Variants in FSAF1 observed in about 807,000 individuals in gnomAD.
The protein encoded by FSAF1 is 40S small subunit processome assembly factor 1.
the FSAF1 span, among the ~76,000 whole-genome samples, chr1:231,239,480 C>T: frequency 6.6e-6 from 1 of 152,332 alleles, no homozygotes; most frequent in African/African-American, 2.4e-5. Context: ...GTCCCCAGGG[C>T]TGGTAATCCC....
the FSAF1 span, among the ~76,000 whole-genome samples, chr1:231,233,830 C>T: frequency 6.6e-6 from 1 of 152,244 alleles, no homozygotes; most frequent in South Asian, 2.1e-4. Flanking sequence ...GGATTAAAGG[C>T]ATGAGTCACC....
the FSAF1 span, chr1:231,226,978 C>A: frequency 6.2e-7 from 1 of 1,614,162 alleles, no homozygotes; most frequent in Non-Finnish European, 8.5e-7. Context: ...CTCACCTTAG[C>A]GCCCAGCATA....
chr1:231,226,702 C>A, the FSAF1 span: 1 of 1,530,762 alleles, frequency 6.5e-7, no homozygotes, highest in Non-Finnish European at 9.1e-7. Flanking sequence ...TCCATCTTCC[C>A]ATTCTAGTTG....
chr1:231,234,456 T>C, the FSAF1 span, among the ~76,000 whole-genome samples: 2 of 152,238 alleles, frequency 1.3e-5, no homozygotes, highest in South Asian at 2.1e-4. The surrounding 1 kb of genome is among the most constrained non-coding windows in gnomAD (Gnocchi z 4.0). Flanking sequence ...CTTGCACTTA[T>C]GAAAGAGTAG....
chr1:231,241,117 G>A, the FSAF1 span: 4 of 1,613,080 alleles, frequency 2.5e-6, no homozygotes, highest in African/African-American at 2.7e-5. Context: ...GACATTGTGG[G>A]GTCAGCCGAG....
At chr1:231,235,472 G>A in the FSAF1 span, among the ~76,000 whole-genome samples, 1 of 151,824 alleles carries the variant, frequency 6.6e-6, no homozygotes, top group Non-Finnish European at 1.5e-5. Context: ...ACTCCAGCCT[G>A]GTGACAGGGC....
the FSAF1 span, chr1:231,224,173 G>A: frequency 7.1e-6 from 9 of 1,272,666 alleles, no homozygotes; most frequent in South Asian, 1.2e-4. Flanking sequence ...TGAAAAAGCA[G>A]TCTGTGAAAT....
At chr1:231,238,335 G>C in the FSAF1 span, 2 of 152,352 alleles carry the variant, frequency 1.3e-5, no homozygotes, top group Admixed American at 1.3e-4. Flanking sequence ...TCGAGAGCAA[G>C]AATTTCTATA....
the FSAF1 span, chr1:231,227,089 C>T: frequency 6.2e-7 from 1 of 1,612,190 alleles, no homozygotes; most frequent in Non-Finnish European, 8.5e-7. Flanking sequence ...AAAGCATAAT[C>T]AGACGCAAGT....
the FSAF1 span, chr1:231,238,898 T>C: frequency 6.2e-7 from 1 of 1,614,166 alleles, no homozygotes; most frequent in South Asian, 1.1e-5. Flanking sequence ...TTTCTTTTTT[T>C]ATTGCTGTGA....
the FSAF1 span, chr1:231,227,094 G>GC: frequency 3.7e-6 from 6 of 1,608,892 alleles, no homozygotes; most frequent in South Asian, 6.6e-5. Context: ...ATAATCAGAC[G>GC]CAAGTGCATT....
the FSAF1 span, among the ~76,000 whole-genome samples, chr1:231,234,782 C>T: frequency 6.6e-6 from 1 of 152,182 alleles, no homozygotes; most frequent in African/African-American, 2.4e-5. This position sits in a 1 kb window ranked among gnomAD's most constrained non-coding sequence, Gnocchi z 4.0. Flanking sequence ...CCCTTCTGTC[C>T]TAGTCTTGCT....
the FSAF1 span, among the ~76,000 whole-genome samples, chr1:231,233,511 TC>T: frequency 3.3e-5 from 5 of 152,218 alleles, no homozygotes; most frequent in East Asian, 5.8e-4. Context: ...CATTAATATT[TC>T]TGTGGCAATA....
the FSAF1 span, chr1:231,229,289 A>G: frequency 1.0e-6 from 1 of 1,004,850 alleles, no homozygotes. Flanking sequence ...GACATGTTTT[A>G]AGGAACCTGA....
At chr1:231,224,426 G>T in the FSAF1 span, 24 of 1,600,404 alleles carry the variant, frequency 1.5e-5, no homozygotes, top group Non-Finnish European at 2.0e-5. Context: ...TACATTTAAA[G>T]TAAGAGAAAG....
the FSAF1 span, chr1:231,225,688 T>C: frequency 4.4e-6 from 3 of 674,166 alleles, no homozygotes; most frequent in Non-Finnish European, 5.1e-6. Context: ...TAAAACCCTT[T>C]CAAGAATGTG....
the FSAF1 span, among the ~76,000 whole-genome samples, chr1:231,228,405 C>T: frequency 6.6e-6 from 1 of 152,092 alleles, no homozygotes; most frequent in Admixed American, 6.6e-5. Context: ...TCAAAACCAG[C>T]TTGACGACCA....
chr1:231,225,213 A>G, the FSAF1 span: 1 of 539,718 alleles, frequency 1.9e-6, no homozygotes, highest in African/African-American at 1.9e-5. Context: ...TTTCTTGGAA[A>G]TGTAAACTGC....
At chr1:231,227,206 G>A in the FSAF1 span, 21 of 859,430 alleles carry the variant, frequency 2.4e-5, no homozygotes, top group Non-Finnish European at 3.7e-5. Flanking sequence ...ACTGTCATGT[G>A]GTCAAAGGAG....
Sources: allele counts gnomAD v4.1 joint callset (sites outside exome capture counted in the v4.1 genomes callset), GRCh38; gene constraint gnomAD v4.1.1; non-coding constraint Gnocchi (gnomAD v3.1); transcripts MANE v1.5; gene names NCBI Gene and HGNC (gene_info 2026-07-23, HGNC 2026-07-21).